RGS7: variants seen among roughly 807,000 people sequenced by gnomAD.
The protein encoded by RGS7 is regulator of G-protein signaling 7.
In RGS7, 27 loss-of-function variants were observed where a neutral mutation model predicts 81.1. The observed-to-expected ratio is 0.33, with a 90% CI of 0.25 to 0.46. The LOEUF (loss-of-function observed/expected upper bound fraction) is 0.46. Among genes scored for constraint, RGS7 ranks in the 20% least tolerant of loss-of-function variants. RGS7 has a pLI of 1.00. For missense variants in RGS7, 396 were observed against 607.4 expected (o/e 0.65, Z 3.66); for synonymous variants, 208 against 207.7 (o/e 1.00, Z -0.01).
At chr1:241,284,966 G>T (rs1481192997) in intron 2 of RGS7, among the ~76,000 whole-genome samples, 2 of 152,132 alleles carry the variant, frequency 1.3e-5, no homozygotes, top group African/African-American at 4.8e-5. Flanking sequence ...CGCCTCCCGG[G>T]TTCACATCAT....
intron 2 of RGS7, among the ~76,000 whole-genome samples, chr1:241,268,062 G>A (rs2077683431): frequency 6.6e-6 from 1 of 152,192 alleles, no homozygotes; most frequent in African/African-American, 2.4e-5. Context: ...AGCACACTAG[G>A]GGTCTTGCTA....
At chr1:241,220,039 T>C (rs926472558) in intron 2 of RGS7, among the ~76,000 whole-genome samples, 1 of 152,206 alleles carries the variant, frequency 6.6e-6, no homozygotes, top group African/African-American at 2.4e-5. Flanking sequence ...CTAACCTAAT[T>C]TGTAAATAGG....
At chr1:240,961,824 T>C (rs984370599) in intron 4 of RGS7, among the ~76,000 whole-genome samples, 4 of 152,060 alleles carry the variant, frequency 2.6e-5, no homozygotes, top group Middle Eastern at 3.2e-3. Context: ...CTATCTTTAA[T>C]TGATGATTAT....
chr1:241,029,698 G>A (rs910316605), intron 3 of RGS7, among the ~76,000 whole-genome samples: 7 of 152,144 alleles, frequency 4.6e-5, no homozygotes, highest in African/African-American at 7.2e-5. Flanking sequence ...GAATAATTCC[G>A]CCTAAAGGAG....
rs975371136 is a variant in RGS7 at position 241,017,305 on chromosome 1, G to A, written c.176-34176C>T. Among the ~76,000 whole-genome samples the A allele has an allele frequency of 2.6e-5, 4 of 152,122 alleles. No individual in the cohort carries two copies. The East Asian group carries it at 5.8e-4, about 22-fold the overall frequency. On this transcript the variant is annotated intron_variant, in intron 3 of 18. Transcript: ENST00000440928. ...AAAATACAAAAATTAGCTGGGCGTG[G>A]TGGCGCACGCCTGTAATTCCAGCTA...
intron 2 of RGS7, among the ~76,000 whole-genome samples, chr1:241,287,693 G>T (rs2078893691): frequency 6.6e-6 from 1 of 151,820 alleles, no homozygotes; most frequent in African/African-American, 2.4e-5. Context: ...GACCTCTCTG[G>T]TTATCCTTAA....
At chr1:240,932,609 C>T (rs60752688) in intron 5 of RGS7, among the ~76,000 whole-genome samples, 2,254 of 149,982 alleles carry the variant, frequency 0.015, 57 homozygotes, top group African/African-American at 0.049. Flanking sequence ...CCCGGGTTCA[C>T]GCCATTCTCC....
chr1:241,129,633 TAATC>T (rs2066934971), intron 2 of RGS7, among the ~76,000 whole-genome samples: 2 of 152,146 alleles, frequency 1.3e-5, no homozygotes, highest in South Asian at 2.1e-4. Context: ...AAAACAGACA[TAATC>T]AACCCCCTAA....
chr1:241,300,290 G>A (rs971876661), intron 2 of RGS7, among the ~76,000 whole-genome samples: 8 of 152,062 alleles, frequency 5.3e-5, no homozygotes, highest in Non-Finnish European at 7.4e-5. Context: ...ATAATCACCC[G>A]AAGTTCATAG....
At chr1:241,272,630 T>C (rs1326244094) in intron 2 of RGS7, among the ~76,000 whole-genome samples, 1 of 152,178 alleles carries the variant, frequency 6.6e-6, no homozygotes, top group Non-Finnish European at 1.5e-5. Flanking sequence ...GTTTAATATC[T>C]CTCCAAATAT....
intron 2 of RGS7, among the ~76,000 whole-genome samples, chr1:241,324,939 C>T (rs2081408915): frequency 6.6e-6 from 1 of 152,164 alleles, no homozygotes; most frequent in Non-Finnish European, 1.5e-5. Flanking sequence ...TCACATTCTA[C>T]TATAAAGCTA....
chr1:240,806,129 C>G lies in RGS7; in HGVS notation c.1269+11G>C. ...AGCACGTTTGTGGTGTGAGGCTCAC[C>G]GTACACCCACCTGAGCATCTTCAAA... On this transcript the variant is annotated intron_variant, in intron 15 of 18. Transcript: ENST00000440928. 1.2e-6 allele frequency: 2 copies of G among 1,611,864 alleles called. No individual in the cohort carries two copies. The highest frequency in any genetic ancestry group is 1.7e-6 in the Non-Finnish European group (2 of 1,178,632).
chr1:240,975,420 C>CAAACAAAA (rs1683920487), intron 4 of RGS7, among the ~76,000 whole-genome samples: 1 of 151,748 alleles, frequency 6.6e-6, no homozygotes, highest in Non-Finnish European at 1.5e-5. Context: ...AACAAACAAA[C>CAAACAAAA]AAACAAAAAA....
rs1369035805 is a variant in RGS7, at chr1:241,147,794, ATATATATATATATATATATATATATGT to A, written c.79-49059_79-49033del. ...TAGATTAAGTTTTATATATATATATATATATATATATATATATATATATATGTAAGAATCAATGCAATATCATATAGG... is the reference window on the plus strand; with the variant it reads ...TAGATTAAGTTTTATATATATATATAAAGAATCAATGCAATATCATATAGG... On this transcript the variant is annotated intron_variant, in intron 2 of 18. Transcript: ENST00000440928. 8.1e-4 allele frequency among the ~76,000 whole-genome samples: 93 copies of A among 114,882 alleles called. 1 individual carries two copies. Among genetic ancestry groups the A allele is most frequent in the Admixed American group, 1.1e-3 (13 of 12,056 alleles). The allele number at this position is 114,882 out of a possible 152,430, so 75.4% of individuals were successfully genotyped here.
intron 2 of RGS7, among the ~76,000 whole-genome samples, chr1:241,310,365 G>T (rs1301046647): frequency 7.9e-6 from 1 of 126,754 alleles, no homozygotes; most frequent in Non-Finnish European, 1.8e-5. Flanking sequence ...AGGTGTGAGA[G>T]TGTGTGTGTG....
intron 2 of RGS7, among the ~76,000 whole-genome samples, chr1:241,344,585 T>C (rs2082770461): frequency 6.6e-6 from 1 of 152,268 alleles, no homozygotes; most frequent in Non-Finnish European, 1.5e-5. Flanking sequence ...ACAGTCTGGC[T>C]ACAAGCCCTT....
intron 3 of RGS7, among the ~76,000 whole-genome samples, chr1:241,090,700 T>C (rs1293484953): frequency 6.6e-6 from 1 of 152,204 alleles, no homozygotes; most frequent in Non-Finnish European, 1.5e-5. Context: ...AATTATAGAA[T>C]TTATGCAGAA....
At chr1:241,029,697 C>T (rs954610213) in intron 3 of RGS7, among the ~76,000 whole-genome samples, 7 of 152,096 alleles carry the variant, frequency 4.6e-5, no homozygotes, top group Admixed American at 2.6e-4. Context: ...TGAATAATTC[C>T]GCCTAAAGGA....
At chr1:241,167,673 C>T (rs1187047169) in intron 2 of RGS7, among the ~76,000 whole-genome samples, 1 of 152,144 alleles carries the variant, frequency 6.6e-6, no homozygotes, top group Non-Finnish European at 1.5e-5. Flanking sequence ...TGCACACCAC[C>T]ACGCCCGGCT....
Sources: allele counts gnomAD v4.1 joint callset (sites outside exome capture counted in the v4.1 genomes callset), GRCh38; gene constraint gnomAD v4.1.1; transcripts MANE v1.5; gene names NCBI Gene and HGNC (gene_info 2026-07-23, HGNC 2026-07-21).